The following LGR6 variants were observed in gnomAD, a reference collection of about 807,000 sequenced individuals.
The protein encoded by LGR6 is leucine rich repeat containing G protein-coupled receptor 6.
In LGR6, 45 loss-of-function variants were observed where a neutral mutation model predicts 69.4. The observed-to-expected ratio is 0.65, with a 90% CI of 0.51 to 0.83. The LOEUF is 0.83. Ranked by LOEUF, LGR6 falls within the 40% of genes least tolerant of loss-of-function variation. The pLI is 0.00. For synonymous variants in LGR6, 538 were observed against 555.0 expected (o/e 0.97, Z 0.43); for missense variants, 1,108 against 1,246.7 (o/e 0.89, Z 1.68).
intron 6 of LGR6, among the ~76,000 whole-genome samples, chr1:202,284,722 AG>A (rs1309393929): frequency 1.3e-5 from 2 of 152,186 alleles, no homozygotes; most frequent in African/African-American, 4.8e-5. Context: ...AATCTTCGCA[AG>A]AAAAAAAAAG....
At position 202,295,507 on chromosome 1, in the gene LGR6, AAGAG is replaced by A. The variant is rs1305347907; in HGVS notation, c.717-1998_717-1995del. On this transcript the variant is annotated intron_variant, in intron 6 of 17. Transcript: ENST00000367278. ...ATCATGTATACAATTTAAGACCAAA[AAGAG>A]AGGCCATTGCTTTCATCCCTGCTGC... 2.6e-5 allele frequency among the ~76,000 whole-genome samples: 4 copies of A among 152,178 alleles called. No individual in the cohort carries two copies. The East Asian group carries it at 7.7e-4, about 29-fold the overall frequency.
At chr1:202,279,919 C>G (rs1665875213) in intron 5 of LGR6, among the ~76,000 whole-genome samples, 1 of 152,176 alleles carries the variant, frequency 6.6e-6, no homozygotes. Context: ...TTTCCTTTCA[C>G]TTAAGAACAT....
intron 14 of LGR6, among the ~76,000 whole-genome samples, chr1:202,308,737 G>C (rs917741494): frequency 6.6e-6 from 1 of 152,216 alleles, no homozygotes; most frequent in Non-Finnish European, 1.5e-5. Context: ...AGGAACTGTG[G>C]TTGAGGGAGC....
intron 1 of LGR6, among the ~76,000 whole-genome samples, chr1:202,201,521 C>G (rs2147890971): frequency 6.6e-6 from 1 of 152,288 alleles, no homozygotes; most frequent in Non-Finnish European, 1.5e-5. Context: ...AGGAGCTTGC[C>G]TAAGACAACC....
intron 4 of LGR6, among the ~76,000 whole-genome samples, chr1:202,275,916 A>G (rs771746735): frequency 6.6e-5 from 10 of 152,196 alleles, no homozygotes; most frequent in Non-Finnish European, 1.5e-4. Flanking sequence ...GCTATCCACA[A>G]ACAGGCTATG....
At chr1:202,229,645 C>G (rs969998474) in intron 3 of LGR6, among the ~76,000 whole-genome samples, 1 of 152,264 alleles carries the variant, frequency 6.6e-6, no homozygotes, top group East Asian at 1.9e-4. Flanking sequence ...CTCCCGCCCC[C>G]CTTTCTGCAA....
intron 4 of LGR6, among the ~76,000 whole-genome samples, chr1:202,247,887 A>G (rs998651469): frequency 2.6e-5 from 4 of 152,206 alleles, no homozygotes; most frequent in Non-Finnish European, 5.9e-5. Flanking sequence ...TGTGGCCTGC[A>G]GCAGCCTTCC....
At chr1:202,289,477 T>G (rs550605432) in intron 6 of LGR6, among the ~76,000 whole-genome samples, 1 of 152,352 alleles carries the variant, frequency 6.6e-6, no homozygotes, top group Admixed American at 6.5e-5. Flanking sequence ...TCAGTCATTT[T>G]CATTAAAATC....
At position 202,243,414 on chromosome 1, in the gene LGR6, CAG is replaced by C. The variant is rs1662376466; in HGVS notation, c.428+7426_428+7427del. 2.0e-5 allele frequency among the ~76,000 whole-genome samples: 3 copies of C among 152,160 alleles called. 1 individual carries two copies. Among genetic ancestry groups the C allele is most frequent in the Admixed American group, 1.3e-4 (2 of 15,284 alleles). On this transcript the variant is annotated intron_variant, in intron 4 of 17. Transcript: ENST00000367278. ...GACCCTTGGCCTTGATCAGCACCCC[CAG>C]AGAGTCCACAAGAGAGCTTCTGAGG... is the stretch of plus-strand genomic sequence containing the variant.
chr1:202,287,270 A>G (rs1666461684), intron 6 of LGR6, among the ~76,000 whole-genome samples: 1 of 152,208 alleles, frequency 6.6e-6, no homozygotes, highest in African/African-American at 2.4e-5. Flanking sequence ...TTTATGAACA[A>G]CAAAGTGTAG....
At chr1:202,271,807 T>G (rs1478516295) in intron 4 of LGR6, among the ~76,000 whole-genome samples, 1 of 59,688 alleles carries the variant, frequency 1.7e-5, no homozygotes, top group Non-Finnish European at 3.5e-5. Flanking sequence ...AAACTCTGTC[T>G]CAAAAAAAAA....
At chr1:202,275,834 CA>C (rs1018841413) in intron 4 of LGR6, among the ~76,000 whole-genome samples, 87 of 152,296 alleles carry the variant, frequency 5.7e-4, no homozygotes, top group African/African-American at 2.1e-3. Flanking sequence ...AGGTCGAGGT[CA>C]CACTCAGAGA....
chr1:202,237,386 C>T (rs982591597), intron 4 of LGR6, among the ~76,000 whole-genome samples: 1 of 152,234 alleles, frequency 6.6e-6, no homozygotes, highest in African/African-American at 2.4e-5. Flanking sequence ...GCAGCAGGGA[C>T]AGCCAAAAAT....
chr1:202,277,363 G>A (rs749321455), intron 5 of LGR6, among the ~76,000 whole-genome samples: 40 of 152,018 alleles, frequency 2.6e-4, no homozygotes, highest in South Asian at 1.7e-3. Context: ...CTAATTCTCT[G>A]TCCTGGGAAG....
chr1:202,267,519 G>T (rs1332998545), intron 4 of LGR6, among the ~76,000 whole-genome samples: 1 of 152,110 alleles, frequency 6.6e-6, no homozygotes, highest in Non-Finnish European at 1.5e-5. Context: ...TTGATAAGGA[G>T]AAGCCTTATC....
chr1:202,204,402 CCAAA>C (rs1292507227), intron 1 of LGR6, among the ~76,000 whole-genome samples: 1 of 121,024 alleles, frequency 8.3e-6, no homozygotes, highest in Non-Finnish European at 1.7e-5. Flanking sequence ...ACACACACCT[CCAAA>C]CACACACCAC....
intron 1 of LGR6, among the ~76,000 whole-genome samples, chr1:202,222,616 C>A (rs1660242992): frequency 6.6e-6 from 1 of 152,192 alleles, no homozygotes; most frequent in Admixed American, 6.5e-5. Context: ...CCTCCTGCCT[C>A]ACTGAGAATG....
intron 17 of LGR6, among the ~76,000 whole-genome samples, chr1:202,315,513 G>T (rs1341035251): frequency 6.6e-6 from 1 of 152,270 alleles, no homozygotes; most frequent in Non-Finnish European, 1.5e-5. Context: ...GACATTTAGA[G>T]TGAGGAAGTC....
chr1:202,308,151 T>C (rs1283356460), intron 14 of LGR6, among the ~76,000 whole-genome samples: 2 of 152,126 alleles, frequency 1.3e-5, no homozygotes, highest in African/African-American at 4.8e-5. Flanking sequence ...AGGTGAGGCC[T>C]CCAAGGCCCA....
Sources: allele counts gnomAD v4.1 joint callset (sites outside exome capture counted in the v4.1 genomes callset), GRCh38; gene constraint gnomAD v4.1.1; transcripts MANE v1.5; gene names NCBI Gene and HGNC (gene_info 2026-07-23, HGNC 2026-07-21).